COX7B2: variants seen among roughly 807,000 people sequenced by gnomAD.
The protein encoded by COX7B2 is cytochrome c oxidase subunit 7B2, mitochondrial.
For synonymous variants in COX7B2, 37 were observed against 32.1 expected (o/e 1.15, Z -0.51); for missense variants, 109 against 95.9 (o/e 1.14, Z -0.57).
intron 1 of COX7B2, among the ~76,000 whole-genome samples, chr4:46,869,845 T>C (rs1053839544): frequency 6.6e-6 from 1 of 152,136 alleles, no homozygotes; most frequent in Non-Finnish European, 1.5e-5. Context: ...CTGATGATTA[T>C]GTGTCTTGGG....
intron 1 of COX7B2, among the ~76,000 whole-genome samples, chr4:46,849,804 A>G (rs970528021): frequency 2.0e-5 from 3 of 152,060 alleles, no homozygotes; most frequent in Non-Finnish European, 4.4e-5. Flanking sequence ...GTCATTTAAC[A>G]TTAGGTATAT....
chr4:46,788,489 GT>G (rs906117248), intron 2 of COX7B2, among the ~76,000 whole-genome samples: 7 of 152,124 alleles, frequency 4.6e-5, no homozygotes, highest in African/African-American at 1.4e-4. Context: ...TAAAATGGCT[GT>G]TTGTAAGGAG....
intron 2 of COX7B2, among the ~76,000 whole-genome samples, chr4:46,824,996 A>G (rs1262016936): frequency 1.3e-5 from 2 of 152,116 alleles, no homozygotes; most frequent in Non-Finnish European, 2.9e-5. Context: ...ATGCCCTCTC[A>G]TCACTCATCT....
At chr4:46,832,177 C>T (rs954968076) in intron 2 of COX7B2, among the ~76,000 whole-genome samples, 2 of 152,138 alleles carry the variant, frequency 1.3e-5, no homozygotes, top group Non-Finnish European at 2.9e-5. Flanking sequence ...AATTTTGCTA[C>T]TGCTAACTCT....
At chr4:46,839,242 T>C (rs541154239) in intron 2 of COX7B2, among the ~76,000 whole-genome samples, 2 of 152,120 alleles carry the variant, frequency 1.3e-5, no homozygotes, top group South Asian at 2.1e-4. Flanking sequence ...CCTGATGTTT[T>C]GATGTCTCTG....
chr4:46,754,724 G>GTATATATATATATATATATATATA (rs776374967), intron 2 of COX7B2, among the ~76,000 whole-genome samples: 24 of 46,822 alleles, frequency 5.1e-4, no homozygotes, highest in African/African-American at 1.5e-3. Context: ...GTGTGTGTGT[G>GTATATATATATATATATATATATA]TGTGTATATA....
chr4:46,734,962 C>T lies in COX7B2; in HGVS notation c.231G>A (p.Glu77=). The T allele has an allele frequency of 6.2e-7, 1 of 1,613,928 alleles. No individual in the cohort carries two copies. The highest frequency in any genetic ancestry group is 8.5e-7 in the Non-Finnish European group (1 of 1,179,936). Residue 77 remains glutamate, a synonymous_variant, in exon 3 of 3, where the codon GAG becomes GAA. Transcript: ENST00000355591. ...LSPVGRVTPK[E]WKHQ ...ACTGTGATGGTTACTGATGTTTCCA[C>T]TCTTTTGGGGTAACTCTGCCAACAG... is the stretch of plus-strand genomic sequence containing the variant.
At chr4:46,780,750 G>C (rs1717403291) in intron 2 of COX7B2, among the ~76,000 whole-genome samples, 3 of 151,946 alleles carry the variant, frequency 2.0e-5, no homozygotes, top group Admixed American at 2.0e-4. Flanking sequence ...ACTAACTTTG[G>C]CTCCTATTTT....
intron 2 of COX7B2, among the ~76,000 whole-genome samples, chr4:46,821,212 T>C (rs911302788): frequency 1.3e-5 from 2 of 152,154 alleles, no homozygotes; most frequent in East Asian, 3.9e-4. Flanking sequence ...GTAAAAGCCA[T>C]GAGAGACACT....
At chr4:46,836,541 C>T (rs1241822957) in intron 2 of COX7B2, among the ~76,000 whole-genome samples, 1 of 151,446 alleles carries the variant, frequency 6.6e-6, no homozygotes, top group African/African-American at 2.4e-5. Context: ...ATGCTTTCTT[C>T]TGGAATATCC....
intron 2 of COX7B2, among the ~76,000 whole-genome samples, chr4:46,803,090 T>A (rs1217777038): frequency 1.3e-5 from 2 of 152,136 alleles, no homozygotes; most frequent in Non-Finnish European, 2.9e-5. Flanking sequence ...TTATGTTCTG[T>A]CTCAGAGAAG....
At position 46,845,661 on chromosome 4, in the gene COX7B2, A is replaced by G. The variant is rs563569054; in HGVS notation, c.-104-647T>C. Among the ~76,000 whole-genome samples the G allele has an allele frequency of 7.2e-5, 11 of 152,110 alleles. 1 individual carries two copies. The South Asian group carries it at 2.1e-3, about 29-fold the overall frequency. ...CTCAAGGATGTAGGGACACAGAAAA[A>G]AAGAGCATAGGATAAAAGAAAAACA... is the stretch of plus-strand genomic sequence containing the variant. On this transcript the variant is annotated intron_variant, in intron 1 of 2. Transcript: ENST00000355591.
At chr4:46,851,258 A>G (rs780175143) in intron 1 of COX7B2, among the ~76,000 whole-genome samples, 19 of 152,138 alleles carry the variant, frequency 1.2e-4, no homozygotes, top group African/African-American at 1.7e-4. Context: ...AAGAAATTGC[A>G]TATCTAAGAT....
chr4:46,800,841 CAA>C (rs1466968620), intron 2 of COX7B2, among the ~76,000 whole-genome samples: 1 of 151,944 alleles, frequency 6.6e-6, no homozygotes, highest in African/African-American at 2.4e-5. Flanking sequence ...ACAGAATGGG[CAA>C]AAACATTTGC....
intron 2 of COX7B2, among the ~76,000 whole-genome samples, chr4:46,808,024 T>C: frequency 6.6e-6 from 1 of 151,852 alleles, no homozygotes; most frequent in African/African-American, 2.4e-5. Flanking sequence ...AAGTTTCATA[T>C]TGGTTTTAAA....
intron 2 of COX7B2, among the ~76,000 whole-genome samples, chr4:46,744,924 G>A (rs529459374): frequency 6.6e-6 from 1 of 151,900 alleles, no homozygotes. Flanking sequence ...TAGAGACGGG[G>A]TTTCACTGTG....
intron 1 of COX7B2, among the ~76,000 whole-genome samples, chr4:46,906,477 A>G (rs1720400376): frequency 6.6e-6 from 1 of 152,154 alleles, no homozygotes; most frequent in Non-Finnish European, 1.5e-5. Context: ...GAAAGTTTTA[A>G]CTGTTCTTAG....
chr4:46,817,501 C>T (rs529869691), intron 2 of COX7B2, among the ~76,000 whole-genome samples: 2 of 152,288 alleles, frequency 1.3e-5, no homozygotes, highest in East Asian at 3.9e-4. Flanking sequence ...CACATTTTTA[C>T]TGTACTCTTT....
chr4:46,778,715 T>C (rs1029843013), intron 2 of COX7B2, among the ~76,000 whole-genome samples: 2 of 152,152 alleles, frequency 1.3e-5, no homozygotes, highest in African/African-American at 2.4e-5. Flanking sequence ...ACTGAATAAT[T>C]TGATATATCA....
Sources: gnomAD v4.1 joint callset for allele counts (sites outside exome capture counted in the v4.1 genomes callset) on GRCh38, gnomAD v4.1.1 for gene constraint, MANE v1.5 for transcripts, NCBI Gene and HGNC (gene_info 2026-07-23, HGNC 2026-07-21) for gene names.